Variants in NFKBIE observed in about 807,000 individuals in gnomAD.
NFKBIE encodes NF-kappa-B inhibitor epsilon.
Under a neutral mutation model 31.6 loss-of-function variants are expected in NFKBIE, and 11 were observed. That is an observed-to-expected ratio of 0.35 (90% confidence interval 0.22 to 0.58). NFKBIE has a LOEUF of 0.58. Among genes scored for constraint, NFKBIE ranks in the 20% least tolerant of loss-of-function variants. NFKBIE has a pLI of 0.83. For synonymous variants in NFKBIE, 208 were observed against 210.1 expected (o/e 0.99, Z 0.09); for missense variants, 354 against 465.7 (o/e 0.76, Z 2.21).
Position 44,265,414 on chromosome 6 carries a change from T to C in NFKBIE, c.-68A>G. The C allele has an allele frequency of 1.3e-6, 2 of 1,544,000 alleles. No homozygotes were observed. Among genetic ancestry groups the C allele is most frequent in the Non-Finnish European group, 1.7e-6 (2 of 1,151,958 alleles). ...CGGCTCCAGGCTCCGCCGCGCCGCC[T>C]TTCCGGGTTGCGGGTCCGCTTGGCA... On this transcript the variant is annotated 5_prime_UTR_variant, in exon 1 of 6. Coordinates refer to ENST00000619360, the MANE Select transcript of NFKBIE (RefSeq NM_004556.3).
rs1459791270 is a variant in NFKBIE, at chr6:44,265,267, C to G, written c.80G>C (p.Arg27Pro). The change falls in exon 1 of 6, where the codon CGC becomes CCC. Residue 27 changes from arginine to proline, a missense_variant. Around this residue, in one of 2 missense-constraint regions of NFKBIE, gnomAD observed 171 missense variants for 155.1 expected, o/e 1.10. Transcript: ENST00000619360. ...AGCCGAGGTGGACTCGGGTAGGGAG[C>G]GCAGAGAGCGCAGAGACTCAATGCC... is the stretch of plus-strand genomic sequence containing the variant. ...DSGIESLRSL[R>P]SLPESTSAPA... is the part of the protein sequence containing the mutation. 3 of 1,550,754 alleles carry G rather than the reference C, an allele frequency of 1.9e-6. No individual in the cohort carries two copies. Among genetic ancestry groups the G allele is most frequent in the Admixed American group, 3.9e-5 (2 of 51,218 alleles).
chr6:44,260,477 G>A lies in NFKBIE; in HGVS notation c.754C>T (p.Arg252Trp), dbSNP rs1278958506. Residue 252 changes from arginine (R) to tryptophan (W), a missense_variant, in exon 4 of 6, where the codon CGG (arginine) becomes TGG (tryptophan). Physicochemically the swap from Arg to Trp is moderately radical, Grantham distance 101 (BLOSUM62 -3). Transcript: ENST00000619360. The surrounding 1 kb of genome is among the most constrained non-coding windows in gnomAD (Gnocchi z 5.5). ...TGCACATCAATGTCAGCTCCATTCC[G>A]AAGCAGCAATTCCATGAGTGGTTGG... The part of the protein sequence containing the change: ...KNQPLMELLL[R>W]NGADIDVQEG... 13 of 1,614,032 alleles carry A rather than the reference G, an allele frequency of 8.1e-6. No individual in the cohort carries two copies. Among genetic ancestry groups the A allele is most frequent in the African/African-American group, 1.3e-5 (1 of 74,888 alleles).
At chr6:44,259,917 T>A in intron 5 of NFKBIE, 126 bp downstream of exon 5, 1 of 1,369,814 alleles carries the variant, frequency 7.3e-7, no homozygotes, top group Non-Finnish European at 9.7e-7. Context: ...GTTCCCACAG[T>A]TGGTCAGTGG....
In NFKBIE at chr6:44,259,174, CAGAT is replaced by C; in HGVS notation, c.*41_*44del. On this transcript the variant is annotated 3_prime_UTR_variant, in exon 6 of 6. Coordinates refer to ENST00000619360, the MANE Select transcript of NFKBIE (RefSeq NM_004556.3). ...CTGCAGCAGTTATGGCTCCGGCTTC[CAGAT>C]GGAGAGGTGGAGCCCTGAGGATCCC... is the stretch of plus-strand genomic sequence containing the variant. The C allele has an allele frequency of 6.2e-7, 1 of 1,607,752 alleles. No individual in the cohort carries two copies. The highest frequency in any genetic ancestry group is 1.1e-5 in the South Asian group (1 of 90,882).
intron 1 of NFKBIE, 64 bp downstream of exon 1, chr6:44,264,918 C>A: frequency 6.6e-7 from 1 of 1,517,932 alleles, no homozygotes; most frequent in Non-Finnish European, 8.9e-7. Flanking sequence ...GGGTGCCCGA[C>A]CTGTTGCGGC....
chr6:44,261,492 A>T lies in NFKBIE; in HGVS notation c.691+134T>A. 1.2e-6 allele frequency: 1 copy of T among 805,266 alleles called. No individual in the cohort carries two copies. Among genetic ancestry groups the T allele is most frequent in the Non-Finnish European group, 2.0e-6 (1 of 504,490 alleles). The allele number at this position is 805,266 out of a possible 1,614,324, so 49.9% of individuals were successfully genotyped here. A position where few individuals can be genotyped will look rare whatever the true frequency, so the allele number is the denominator to read the frequency against. On this transcript the variant is annotated intron_variant, in intron 3 of 5. Transcript: ENST00000619360. The surrounding 1 kb of genome is among the most constrained non-coding windows in gnomAD (Gnocchi z 4.3). ...CATTCATTTGGCAAAGATGTACTGA[A>T]TATCTATGTGCTTACAGTGGGAGGG...
rs1186434222 is a variant in NFKBIE at position 44,260,893 on chromosome 6, C to CCTG, written c.692-357_692-355dup. On this transcript the variant is annotated intron_variant, in intron 3 of 5. Transcript: ENST00000619360. This position sits in a 1 kb window ranked among gnomAD's most constrained non-coding sequence, Gnocchi z 5.5. ...CACACACACACACACACACACACAA[C>CCTG]CTGCCTTCAAGCCCAGTCTGAAAGC... Among the ~76,000 whole-genome samples the CCTG allele has an allele frequency of 1.9e-5, 2 of 105,504 alleles. No homozygotes were observed. The highest frequency in any genetic ancestry group is 5.7e-5 in the African/African-American group (2 of 34,812). The allele number at this position is 105,504 out of a possible 152,430, so 69.2% of individuals were successfully genotyped here.
intron 5 of NFKBIE, 30 bp from the exon 6 acceptor site, chr6:44,259,314 C>A: frequency 6.4e-7 from 1 of 1,568,324 alleles, no homozygotes; most frequent in South Asian, 1.1e-5. Context: ...GAAGCAAGAT[C>A]AGAGGACATG....
At position 44,259,142 on chromosome 6, in the gene NFKBIE, G is replaced by A; in HGVS notation, c.*77C>T. 1 of 1,500,678 alleles carries A rather than the reference G, an allele frequency of 6.7e-7. No individual in the cohort carries two copies. Among genetic ancestry groups the A allele is most frequent in the Non-Finnish European group, 9.2e-7 (1 of 1,081,138 alleles). 93.0% of individuals were successfully genotyped at this position (1,500,678 alleles called of 1,614,324 possible). Reference sequence around the variant, plus strand: ...GGCACCAGAAGAGCACATAGCCTGGGCCCAAACTGCAGCAGTTATGGCTCC... The same window carrying A: ...GGCACCAGAAGAGCACATAGCCTGGACCCAAACTGCAGCAGTTATGGCTCC... On this transcript the variant is annotated 3_prime_UTR_variant, in exon 6 of 6. Transcript: ENST00000619360.
At chr6:44,259,899 A>T in intron 5 of NFKBIE, 144 bp downstream of exon 5, 1 of 1,268,656 alleles carries the variant, frequency 7.9e-7, no homozygotes, top group Non-Finnish European at 1.1e-6. Context: ...CTAAGGAAAC[A>T]GGCTCAAGTT....
chr6:44,260,427 G>C lies in NFKBIE; in HGVS notation c.780+24C>G, dbSNP rs1427137423. The C allele has an allele frequency of 6.2e-7, 1 of 1,614,062 alleles. No homozygotes were observed. The highest frequency in any genetic ancestry group is 8.5e-7 in the Non-Finnish European group (1 of 1,179,904). The stretch of plus-strand genomic sequence containing the variant: ...CAGGTGGGGGCAGGCCCTGGGCCGG[G>C]CAGTGCTTTGCTGGCTGTCTCACCT... On this transcript the variant is annotated intron_variant, in intron 4 of 5. Coordinates refer to ENST00000619360, the MANE Select transcript of NFKBIE (RefSeq NM_004556.3). The surrounding 1 kb of genome is among the most constrained non-coding windows in gnomAD (Gnocchi z 5.5).
In NFKBIE at chr6:44,259,593, G is replaced by A. The variant is rs10081001; in HGVS notation, c.1021-309C>T. Among the ~76,000 whole-genome samples the A allele has an allele frequency of 4.9e-3, 705 of 143,770 alleles. 4 individuals carry two copies. The highest frequency in any genetic ancestry group is 0.016 in the African/African-American group (658 of 40,140). 94.3% of individuals were successfully genotyped at this position (143,770 alleles called of 152,430 possible). On this transcript the variant is annotated intron_variant, in intron 5 of 5. Transcript: ENST00000619360. ...TGTTGTTGGGGGATGGGGTGGGGGG[G>A]CTGCTGGGTACTCGCAGAACATTTA...
At position 44,265,475 on chromosome 6, in the gene NFKBIE, G is replaced by C. The variant is rs1436551903; in HGVS notation, c.-129C>G. ...CCGGCCCGCGGCGGCCTCCTTCCCG[G>C]GCTGTGGGGCTCCGAGGGGCCGGCG... On this transcript the variant is annotated 5_prime_UTR_variant, in exon 1 of 6. Coordinates refer to ENST00000619360, the MANE Select transcript of NFKBIE (RefSeq NM_004556.3). 2 of 1,525,256 alleles carry C rather than the reference G, an allele frequency of 1.3e-6. No homozygotes were observed. The highest frequency in any genetic ancestry group is 1.8e-6 in the Non-Finnish European group (2 of 1,140,320). The allele number at this position is 1,525,256 out of a possible 1,614,324, so 94.5% of individuals were successfully genotyped here. A position where few individuals can be genotyped will look rare whatever the true frequency, so the allele number is the denominator to read the frequency against.
Position 44,265,142 on chromosome 6 carries a change from C to A in NFKBIE, c.205G>T (p.Ala69Ser). 1 of 1,552,330 alleles carries A rather than the reference C, an allele frequency of 6.4e-7. No homozygotes were observed. Among genetic ancestry groups the A allele is most frequent in the South Asian group, 1.2e-5 (1 of 84,110 alleles). Residue 69 changes from alanine to serine, a missense_variant, in exon 1 of 6, where the codon GCT becomes TCT. By Grantham distance (99) the Ala-to-Ser change is moderately conservative. This residue lies in a region of NFKBIE where 171 missense variants were observed against 155.1 expected (regional missense o/e 1.10). Transcript: ENST00000619360. ...GAGGAGGAGCCATAGGTGGAATCAG[C>A]CCGCTCCCCATCCGCGTCTTCCTTC... ...QEKEDADGER[A>S]DSTYGSSSLT...
At position 44,262,571 on chromosome 6, in the gene NFKBIE, T is replaced by C; in HGVS notation, c.457A>G (p.Asn153Asp). The C allele has an allele frequency of 6.2e-7, 1 of 1,613,948 alleles. No individual in the cohort carries two copies. The change falls in exon 2 of 6, where the codon AAC (asparagine) becomes GAC (aspartate). Residue 153 changes from asparagine (N) to aspartate (D), a missense_variant. Transcript: ENST00000619360. ...CTCTCGCCACCAACCTGGTAAAGGT[T>C]ATTTTGAATGTCCAGGACCTCCTGG... ...LPQEVLDIQN[N>D]LYQTALHLAV...
chr6:44,265,152 A>T lies in NFKBIE; in HGVS notation c.195T>A (p.Asp65Glu), dbSNP rs114679096. Residue 65 changes from aspartate (D) to glutamate (E), a missense_variant, in exon 1 of 6, where the codon GAT becomes GAA. Physicochemically the swap from Asp to Glu is conservative, Grantham distance 45 (BLOSUM62 2). Transcript: ENST00000619360. The part of the protein sequence containing the change: ...VKEPQEKEDA[D>E]GERADSTYGS... ...CATAGGTGGAATCAGCCCGCTCCCC[A>T]TCCGCGTCTTCCTTCTCCTGTGGTT... 70 of 1,552,020 alleles carry T rather than the reference A, an allele frequency of 4.5e-5. No individual in the cohort carries two copies. In the African/African-American group the frequency reaches 9.0e-4, roughly 20 times the overall value.
Position 44,260,082 on chromosome 6 carries a change from C to G in NFKBIE, c.981G>C (p.Arg327=), listed in dbSNP as rs754481743. 2 of 1,614,212 alleles carry G rather than the reference C, an allele frequency of 1.2e-6. No homozygotes were observed. Among genetic ancestry groups the G allele is most frequent in the Admixed American group, 1.7e-5 (1 of 60,030 alleles). Residue 327 remains arginine, a synonymous_variant, in exon 5 of 6, where the codon CGG becomes CGC. Transcript: ENST00000619360. This position sits in a 1 kb window ranked among gnomAD's most constrained non-coding sequence, Gnocchi z 5.5. The stretch of plus-strand genomic sequence containing the variant: ...CCTGGGGCGTCTCATCCTCCACATT[C>G]CGCAGCAGGGAGTCAGCACCCGCCT... ...LCKAGADSLL[R]NVEDETPQDL...
Position 44,265,080 on chromosome 6 carries a change from C to T in NFKBIE, c.267G>A (p.Glu89=). The T allele has an allele frequency of 1.3e-6, 2 of 1,561,506 alleles. No homozygotes were observed. Among genetic ancestry groups the T allele is most frequent in the East Asian group, 2.3e-5 (1 of 42,668 alleles). The change falls in exon 1 of 6, where the codon GAG becomes GAA. Residue 89 remains glutamate, a synonymous_variant. Coordinates refer to ENST00000619360, the MANE Select transcript of NFKBIE (RefSeq NM_004556.3). ...TYTLSLLGGP[E]AEDPAPRLPL... ...GCAGGCGTGGGGCCGGGTCCTCAGC[C>T]TCGGGGCCCCCCAGCAAGGACAGGG...
In NFKBIE at chr6:44,260,862, C is replaced by CACACACACACACAAACAG. The variant is rs1561913599; in HGVS notation, c.692-324_692-323insCTGTTTGTGTGTGTGTGT. Among the ~76,000 whole-genome samples, 1 of 15,676 alleles carries CACACACACACACAAACAG rather than the reference C, an allele frequency of 6.4e-5. No individual in the cohort carries two copies. Among genetic ancestry groups the CACACACACACACAAACAG allele is most frequent in the Non-Finnish European group, 1.1e-4 (1 of 9,204 alleles). 10.3% of individuals were successfully genotyped at this position (15,676 alleles called of 152,430 possible). A position where few individuals can be genotyped will look rare whatever the true frequency, so the allele number is the denominator to read the frequency against. On this transcript the variant is annotated intron_variant, in intron 3 of 5. Coordinates refer to ENST00000619360, the MANE Select transcript of NFKBIE (RefSeq NM_004556.3). The surrounding 1 kb of genome is among the most constrained non-coding windows in gnomAD (Gnocchi z 5.5). Reference sequence around the variant, plus strand: ...ACACACACACACACACACATACAGACACACACACACACACACACACACACA... The same window carrying CACACACACACACAAACAG: ...ACACACACACACACACACATACAGACACACACACACACAAACAGACACACACACACACACACACACACA...
Sources: allele counts gnomAD v4.1 joint callset (sites outside exome capture counted in the v4.1 genomes callset), GRCh38; gene constraint gnomAD v4.1.1; regional missense constraint gnomAD v4.1.1; non-coding constraint Gnocchi (gnomAD v3.1); transcripts MANE v1.5; gene names NCBI Gene and HGNC (gene_info 2026-07-23, HGNC 2026-07-21).